CELF4: variants seen among roughly 807,000 people sequenced by gnomAD.
CELF4 encodes the protein CUG-BP- and ETR-3-like factor 4.
CELF4 carries 18 observed loss-of-function variants against 59.9 expected under a neutral mutation model. That is an observed-to-expected ratio of 0.30 (90% CI 0.21 to 0.45). The LOEUF is 0.45. Ranked by LOEUF, CELF4 falls within the 20% of genes least tolerant of loss-of-function variation. The pLI, the probability that CELF4 is intolerant of heterozygous loss-of-function variation, is 1.00. For synonymous variants in CELF4, 261 were observed against 267.1 expected, an observed-to-expected ratio of 0.98 and a Z score of 0.22; for missense variants, 456 against 689.0, an observed-to-expected ratio of 0.66 and a Z score of 3.79.
At chr18:37,259,342 G>A (rs1031841524) in intron 10 of CELF4, 78 bp from the exon 11 acceptor site, 13 of 495,482 alleles carry the variant, frequency 2.6e-5, no homozygotes, top group African/African-American at 1.9e-4. Context: ...AGAGGTGAGC[G>A]AGTTAGGCAG....
chr18:37,256,171 C>T (rs912184666), intron 11 of CELF4, among the ~76,000 whole-genome samples: 5 of 152,212 alleles, frequency 3.3e-5, no homozygotes, highest in African/African-American at 4.8e-5. Context: ...CTCCTCCTAT[C>T]CTCAGAAGGT....
At chr18:37,260,615 T>G (rs1219947802) in intron 10 of CELF4, among the ~76,000 whole-genome samples, 1 of 152,220 alleles carries the variant, frequency 6.6e-6, no homozygotes. Context: ...CTGGGAGCCA[T>G]GAGGCTGCCA....
intron 2 of CELF4, among the ~76,000 whole-genome samples, chr18:37,397,324 C>T (rs961220825): frequency 7.9e-5 from 12 of 152,170 alleles, no homozygotes; most frequent in Admixed American, 5.9e-4. Flanking sequence ...ATTTGCCAGG[C>T]CCTGTGGTAG....
chr18:37,505,825 G>A (rs73947260), intron 1 of CELF4, among the ~76,000 whole-genome samples: 4,159 of 152,306 alleles, frequency 0.027, 193 homozygotes, highest in African/African-American at 0.094. Context: ...GAAGCTCCCA[G>A]TACACTGCCA....
chr18:37,534,890 G>A (rs2099972275), intron 1 of CELF4, among the ~76,000 whole-genome samples: 1 of 152,188 alleles, frequency 6.6e-6, no homozygotes. Flanking sequence ...CCTTCTGAAA[G>A]CGAGCAGGGG....
rs759200270 is a variant in CELF4, at chr18:37,485,659, G to A, written c.287-52C>T. 6 of 1,215,500 alleles carry A rather than the reference G, an allele frequency of 4.9e-6. No homozygotes were observed. In the South Asian group the frequency reaches 9.0e-5, roughly 18 times the overall value. 75.3% of individuals were successfully genotyped at this position (1,215,500 alleles called of 1,614,324 possible). ...GGGTCAGTGGGGCGCCCCCGGGCCC[G>A]CCGACGCGCCCTGCCGCCCGCCCTC... On this transcript the variant is annotated intron_variant, in intron 1 of 12. Coordinates refer to ENST00000420428, the MANE Select transcript of CELF4 (RefSeq NM_020180.4).
intron 1 of CELF4, among the ~76,000 whole-genome samples, chr18:37,547,156 GT>G (rs1166100640): frequency 9.7e-6 from 1 of 102,636 alleles, no homozygotes; most frequent in Non-Finnish European, 1.9e-5. Flanking sequence ...GTGTGTGTGT[GT>G]GTGGTGTGTG....
intron 1 of CELF4, among the ~76,000 whole-genome samples, chr18:37,492,394 G>A (rs2099908855): frequency 6.6e-6 from 1 of 152,144 alleles, no homozygotes; most frequent in Non-Finnish European, 1.5e-5. Flanking sequence ...TAAAAAACAT[G>A]CAGGCCACTG....
intron 2 of CELF4, among the ~76,000 whole-genome samples, chr18:37,403,986 C>T (rs2154586138): frequency 6.6e-6 from 1 of 152,322 alleles, no homozygotes; most frequent in Middle Eastern, 3.4e-3. Flanking sequence ...GCTGTGAGGC[C>T]ATCTGTCCAG....
chr18:37,384,945 G>A (rs1569568350), intron 2 of CELF4, among the ~76,000 whole-genome samples: 4 of 152,144 alleles, frequency 2.6e-5, no homozygotes, highest in South Asian at 4.1e-4. Context: ...GGAACCATAC[G>A]TCTCTGATTT....
intron 1 of CELF4, among the ~76,000 whole-genome samples, chr18:37,508,588 G>C (rs1006996392): frequency 1.3e-5 from 2 of 152,234 alleles, no homozygotes; most frequent in African/African-American, 4.8e-5. Context: ...GGGCATGCCT[G>C]TTCTCCACGC....
At chr18:37,336,587 G>C (rs962502204) in intron 2 of CELF4, among the ~76,000 whole-genome samples, 3 of 152,176 alleles carry the variant, frequency 2.0e-5, no homozygotes, top group Admixed American at 2.0e-4. Context: ...TGCTATGAGG[G>C]AGTGGCTGGG....
chr18:37,420,653 C>G (rs2099572458), intron 2 of CELF4, among the ~76,000 whole-genome samples: 1 of 152,162 alleles, frequency 6.6e-6, no homozygotes, highest in African/African-American at 2.4e-5. Flanking sequence ...TGCTAGAGAA[C>G]AGGTGACTCG....
chr18:37,544,370 G>A (rs937631991), intron 1 of CELF4, among the ~76,000 whole-genome samples: 6 of 152,144 alleles, frequency 3.9e-5, no homozygotes, highest in African/African-American at 7.2e-5. Flanking sequence ...GCGGAGCTGC[G>A]GGGCTGGACC....
At chr18:37,498,173 C>T (rs928064056) in intron 1 of CELF4, among the ~76,000 whole-genome samples, 1 of 152,156 alleles carries the variant, frequency 6.6e-6, no homozygotes, top group Non-Finnish European at 1.5e-5. Flanking sequence ...GTTTGGGGGC[C>T]CTGGAGTGGT....
At chr18:37,372,478 T>C (rs1283000193) in intron 2 of CELF4, among the ~76,000 whole-genome samples, 2 of 152,098 alleles carry the variant, frequency 1.3e-5, no homozygotes, top group Non-Finnish European at 2.9e-5. Context: ...CCGGGGCCTG[T>C]CGTGGGATGG....
At chr18:37,553,579 T>G (rs1344857781) in intron 1 of CELF4, among the ~76,000 whole-genome samples, 2 of 152,242 alleles carry the variant, frequency 1.3e-5, no homozygotes, top group Non-Finnish European at 2.9e-5. Context: ...TAATTATTAA[T>G]TTTTGAAATG....
intron 1 of CELF4, among the ~76,000 whole-genome samples, chr18:37,534,229 T>C (rs979306185): frequency 4.6e-5 from 7 of 152,170 alleles, no homozygotes; most frequent in African/African-American, 1.7e-4. Context: ...CACTACAATT[T>C]GGTTACAGTC....
At chr18:37,454,517 T>C (rs932161823) in intron 2 of CELF4, among the ~76,000 whole-genome samples, 3 of 152,150 alleles carry the variant, frequency 2.0e-5, no homozygotes, top group African/African-American at 7.2e-5. Context: ...GTGAGCACCT[T>C]GAAGGCAGGA....
Sources: allele counts gnomAD v4.1 joint callset (sites outside exome capture counted in the v4.1 genomes callset), GRCh38; gene constraint gnomAD v4.1.1; transcripts MANE v1.5; gene names NCBI Gene and HGNC (gene_info 2026-07-23, HGNC 2026-07-21).